The following UVRAG variants were observed in gnomAD, a reference collection of about 807,000 sequenced individuals.
UVRAG encodes UV radiation resistance associated.
A neutral mutation model predicts 78.0 loss-of-function variants in UVRAG; 19 were observed. That is an observed-to-expected ratio of 0.24 (90% CI 0.17 to 0.36). UVRAG has a LOEUF of 0.36. Among genes scored for constraint, UVRAG ranks in the 10% least tolerant of loss-of-function variants. The pLI is 1.00. For synonymous variants in UVRAG, 323 were observed against 324.6 expected (o/e 1.00, Z 0.05); for missense variants, 740 against 853.8 (o/e 0.87, Z 1.66).
intron 4 of UVRAG, among the ~76,000 whole-genome samples, chr11:75,880,647 C>T (rs1420620471): frequency 1.3e-5 from 2 of 152,226 alleles, no homozygotes; most frequent in Admixed American, 1.3e-4. Flanking sequence ...CTCCGCCTCC[C>T]AAGTTCAAGC....
At chr11:75,900,353 A>G (rs1389546655) in intron 5 of UVRAG, among the ~76,000 whole-genome samples, 3 of 152,162 alleles carry the variant, frequency 2.0e-5, no homozygotes, top group Admixed American at 6.5e-5. Flanking sequence ...CAACTGTTGT[A>G]CAAAGCTGGG....
At chr11:75,837,507 G>A (rs1945812089) in intron 1 of UVRAG, 1 of 151,832 alleles carries the variant, frequency 6.6e-6, no homozygotes. Context: ...GAGTTTTTTT[G>A]TACTTTTTAA....
chr11:75,982,759 T>C (rs1293380888), intron 7 of UVRAG, among the ~76,000 whole-genome samples: 2 of 152,256 alleles, frequency 1.3e-5, no homozygotes, highest in Non-Finnish European at 2.9e-5. Flanking sequence ...AGCCGTATAG[T>C]GTGTGGCCTT....
intron 1 of UVRAG, among the ~76,000 whole-genome samples, chr11:75,845,408 G>C (rs1946012296): frequency 6.6e-6 from 1 of 152,160 alleles, no homozygotes; most frequent in Admixed American, 6.5e-5. Context: ...ATTCACAATA[G>C]CAAAGACATG....
intron 1 of UVRAG, among the ~76,000 whole-genome samples, chr11:75,844,822 T>C (rs56230849): frequency 0.075 from 11,427 of 152,002 alleles, 1,404 homozygotes; most frequent in African/African-American, 0.26. Context: ...TACATTCATG[T>C]GCCACCATGC....
intron 6 of UVRAG, among the ~76,000 whole-genome samples, chr11:75,928,721 C>G (rs367553066): frequency 2.0e-5 from 3 of 151,950 alleles, no homozygotes; most frequent in African/African-American, 4.8e-5. Flanking sequence ...GGGCGGATCA[C>G]GAGGTCAGGA....
At chr11:76,103,433 G>A (rs1003451146) in intron 13 of UVRAG, among the ~76,000 whole-genome samples, 1 of 151,488 alleles carries the variant, frequency 6.6e-6, no homozygotes, top group African/African-American at 2.4e-5. Context: ...CATATCTAAT[G>A]AATTCATTAC....
intron 1 of UVRAG, among the ~76,000 whole-genome samples, chr11:75,822,953 ATGGCCTG>A (rs1297860458): frequency 6.6e-6 from 1 of 152,012 alleles, no homozygotes; most frequent in East Asian, 1.9e-4. Context: ...GCTTCTGATC[ATGGCCTG>A]GTCTTTCTGG....
intron 7 of UVRAG, among the ~76,000 whole-genome samples, chr11:75,974,722 T>C: frequency 6.6e-6 from 1 of 152,088 alleles, no homozygotes; most frequent in South Asian, 2.1e-4. Context: ...TTTGATGGGG[T>C]TGTTTGATTT....
chr11:75,998,275 T>G (rs1949744271), intron 8 of UVRAG, among the ~76,000 whole-genome samples: 1 of 152,212 alleles, frequency 6.6e-6, no homozygotes, highest in African/African-American at 2.4e-5. Context: ...TTGTCTATAC[T>G]AATCAGTCTA....
chr11:75,820,451 T>G (rs1333280116), intron 1 of UVRAG, among the ~76,000 whole-genome samples: 1 of 150,832 alleles, frequency 6.6e-6, no homozygotes, highest in Non-Finnish European at 1.5e-5. Context: ...GCCTTTCAGG[T>G]TCAAGCGATT....
intron 5 of UVRAG, chr11:75,911,528 C>T (rs76698515): frequency 0.044 from 7,463 of 169,234 alleles, 224 homozygotes; most frequent in South Asian, 0.07. Flanking sequence ...CAAAGTGGGT[C>T]GAGGATCCGT....
chr11:76,050,394 T>C (rs1439454050), intron 12 of UVRAG, among the ~76,000 whole-genome samples: 1 of 152,208 alleles, frequency 6.6e-6, no homozygotes, highest in African/African-American at 2.4e-5. Context: ...AATATATTCA[T>C]TTGTTTAATC....
At chr11:75,876,416 G>T (rs1946780992) in intron 3 of UVRAG, among the ~76,000 whole-genome samples, 1 of 152,136 alleles carries the variant, frequency 6.6e-6, no homozygotes, top group South Asian at 2.1e-4. Flanking sequence ...TTGTAGTGTG[G>T]ATCAGCATAG....
intron 6 of UVRAG, among the ~76,000 whole-genome samples, chr11:75,924,229 G>A (rs570193074): frequency 2.6e-5 from 4 of 152,036 alleles, no homozygotes; most frequent in East Asian, 1.9e-4. Flanking sequence ...TTTTTAAATG[G>A]TAGATTTTTA....
intron 13 of UVRAG, among the ~76,000 whole-genome samples, chr11:76,113,867 C>T (rs2134463987): frequency 6.6e-6 from 1 of 152,088 alleles, no homozygotes; most frequent in Middle Eastern, 3.4e-3. Context: ...AAAAATAGTA[C>T]TATGCAGCAA....
chr11:76,117,644 TATCCTC>T (rs946794533), intron 14 of UVRAG, among the ~76,000 whole-genome samples: 1 of 152,124 alleles, frequency 6.6e-6, no homozygotes, highest in African/African-American at 2.4e-5. Flanking sequence ...AAATTGAACT[TATCCTC>T]ATAATCACAA....
intron 3 of UVRAG, among the ~76,000 whole-genome samples, chr11:75,875,783 A>G (rs1946761501): frequency 6.6e-6 from 1 of 152,126 alleles, no homozygotes; most frequent in South Asian, 2.1e-4. Flanking sequence ...GTTTAGGGGT[A>G]TAGCCCTTTT....
chr11:75,841,473 C>T (rs531023919), intron 1 of UVRAG, among the ~76,000 whole-genome samples: 4 of 152,146 alleles, frequency 2.6e-5, no homozygotes, highest in Admixed American at 1.3e-4. Flanking sequence ...TATTTCTTTA[C>T]GTAAACATTA....
Sources: allele counts gnomAD v4.1 joint callset (sites outside exome capture counted in the v4.1 genomes callset), GRCh38; gene constraint gnomAD v4.1.1; transcripts MANE v1.5; gene names NCBI Gene and HGNC (gene_info 2026-07-23, HGNC 2026-07-21).